Variants in LRP1B observed in about 807,000 individuals in gnomAD.
LRP1B encodes the protein LDL receptor related protein 1B.
Under a neutral mutation model 556.6 loss-of-function variants are expected in LRP1B, and 217 were observed. The ratio of observed to expected loss-of-function variants is 0.39; its 90% CI spans 0.35 to 0.44. The LOEUF (loss-of-function observed/expected upper bound fraction) is 0.44. LRP1B is among the 20% of genes least tolerant of loss of function. The pLI is 1.00. For synonymous variants in LRP1B, 2,047 were observed against 1,865.8 expected, an observed-to-expected ratio of 1.10 and a Z score of -2.50; for missense variants, 5,053 against 5,620.8, an observed-to-expected ratio of 0.90 and a Z score of 3.23.
intron 66 of LRP1B, among the ~76,000 whole-genome samples, chr2:140,432,338 T>C (rs1394870099): frequency 1.3e-5 from 2 of 152,170 alleles, no homozygotes; most frequent in African/African-American, 4.8e-5. Flanking sequence ...TGCACCCAGG[T>C]GAAACAAACA....
At chr2:140,891,781 A>G (rs992249320) in intron 23 of LRP1B, among the ~76,000 whole-genome samples, 6 of 152,212 alleles carry the variant, frequency 3.9e-5, no homozygotes, top group African/African-American at 1.4e-4. Flanking sequence ...GTATTGTTCA[A>G]ACTTGTACAT....
intron 2 of LRP1B, among the ~76,000 whole-genome samples, chr2:141,482,656 G>A (rs4369801): frequency 0.028 from 4,199 of 151,954 alleles, 99 homozygotes; most frequent in Non-Finnish European, 0.037. Flanking sequence ...ATTTAAAAAT[G>A]AAGTTTAAAG....
chr2:140,921,967 A>C (rs1694748509), intron 21 of LRP1B, among the ~76,000 whole-genome samples: 1 of 152,046 alleles, frequency 6.6e-6, no homozygotes, highest in African/African-American at 2.4e-5. Context: ...GGAGCAAAAG[A>C]AATCACTAAG....
At chr2:141,059,866 G>A (rs1211428022) in intron 8 of LRP1B, among the ~76,000 whole-genome samples, 1 of 151,720 alleles carries the variant, frequency 6.6e-6, no homozygotes, top group Non-Finnish European at 1.5e-5. Flanking sequence ...GCACATGCTA[G>A]GCACCTTGCC....
intron 31 of LRP1B, among the ~76,000 whole-genome samples, chr2:140,838,668 T>G (rs1691999154): frequency 6.6e-6 from 1 of 152,140 alleles, no homozygotes; most frequent in Non-Finnish European, 1.5e-5. Context: ...ATGTATAGTA[T>G]TCAATTGAAA....
At chr2:142,101,400 T>C (rs1706563512) in intron 1 of LRP1B, among the ~76,000 whole-genome samples, 1 of 152,056 alleles carries the variant, frequency 6.6e-6, no homozygotes. Context: ...ATAAGACATG[T>C]TAGTATGTCT....
At chr2:141,008,973 G>A (rs773857307) in intron 14 of LRP1B, among the ~76,000 whole-genome samples, 1 of 151,872 alleles carries the variant, frequency 6.6e-6, no homozygotes, top group African/African-American at 2.4e-5. Flanking sequence ...TGTTAATAAA[G>A]TATCTTTTTT....
At chr2:142,124,103 A>C (rs1052840925) in intron 1 of LRP1B, among the ~76,000 whole-genome samples, 1 of 151,842 alleles carries the variant, frequency 6.6e-6, no homozygotes, top group Non-Finnish European at 1.5e-5. Context: ...AAACATGTGT[A>C]ACAAGGGTTT....
At chr2:141,941,547 A>C (rs1700803223) in intron 1 of LRP1B, among the ~76,000 whole-genome samples, 2 of 152,174 alleles carry the variant, frequency 1.3e-5, no homozygotes, top group Admixed American at 1.3e-4. Context: ...TTCTCTGAGA[A>C]AAAGTAGAGG....
chr2:141,229,300 C>T lies in LRP1B; in HGVS notation c.733G>A (p.Asp245Asn), dbSNP rs372151786. The part of the protein sequence containing the change: ...IHTLDFIYNE[D>N]MICWIESRES... ...CTTGATTCAATCCAACAAATCATAT[C>T]TTCATTATAAATAAAATCCAGAGTA... is the stretch of plus-strand genomic sequence containing the variant. The change falls in exon 6 of 91, where the codon GAT becomes AAT. Residue 245 changes from aspartate (D) to asparagine (N), a missense_variant. Physicochemically the swap from Asp to Asn is conservative, Grantham distance 23 (BLOSUM62 1). This residue lies in a region of LRP1B where 3,619 missense variants were observed against 3,931.9 expected (regional missense o/e 0.92). Coordinates refer to ENST00000389484, the MANE Select transcript of LRP1B (RefSeq NM_018557.3). The T allele has an allele frequency of 6.2e-7, 1 of 1,612,624 alleles. No individual in the cohort carries two copies. Among genetic ancestry groups the T allele is most frequent in the Non-Finnish European group, 8.5e-7 (1 of 1,178,972 alleles).
At chr2:140,963,449 A>T (rs1275469580) in intron 18 of LRP1B, among the ~76,000 whole-genome samples, 1 of 106,986 alleles carries the variant, frequency 9.3e-6, no homozygotes, top group East Asian at 3.3e-4. Flanking sequence ...ATATTTATAT[A>T]TATATATATA....
chr2:140,407,877 A>T (rs1445448921), intron 66 of LRP1B, among the ~76,000 whole-genome samples: 2 of 152,020 alleles, frequency 1.3e-5, no homozygotes, highest in African/African-American at 4.8e-5. Flanking sequence ...ACACATGCAC[A>T]TGCATGTTTA....
intron 17 of LRP1B, 34 bp from the exon 18 acceptor site, chr2:140,982,310 T>G: frequency 7.3e-7 from 1 of 1,379,258 alleles, no homozygotes; most frequent in Non-Finnish European, 1.0e-6. Flanking sequence ...AAAAATCAAT[T>G]TAGAGGCATT....
intron 10 of LRP1B, among the ~76,000 whole-genome samples, chr2:141,054,748 C>G (rs1037771741): frequency 6.6e-6 from 1 of 151,894 alleles, no homozygotes; most frequent in Non-Finnish European, 1.5e-5. Context: ...TCGAAACAAG[C>G]AACATGCCTA....
chr2:140,852,305 T>G (rs1032415535), intron 27 of LRP1B, among the ~76,000 whole-genome samples: 2 of 152,122 alleles, frequency 1.3e-5, no homozygotes, highest in African/African-American at 4.8e-5. Context: ...CCAACCTGGG[T>G]GACAGAGTGA....
chr2:140,665,872 A>C (rs562572969), intron 41 of LRP1B, among the ~76,000 whole-genome samples: 1 of 152,166 alleles, frequency 6.6e-6, no homozygotes, highest in East Asian at 1.9e-4. Context: ...TATCATCCTT[A>C]CTGCTAATCT....
intron 9 of LRP1B, among the ~76,000 whole-genome samples, chr2:141,056,465 G>C (rs1699181036): frequency 6.6e-6 from 1 of 151,800 alleles, no homozygotes; most frequent in African/African-American, 2.4e-5. Flanking sequence ...AGCTACCAAT[G>C]ATCATTTTCT....
intron 2 of LRP1B, among the ~76,000 whole-genome samples, chr2:141,732,427 T>C (rs1043297333): frequency 1.3e-5 from 2 of 152,156 alleles, no homozygotes; most frequent in Non-Finnish European, 2.9e-5. Flanking sequence ...CATTACATGA[T>C]GCTAAAATTA....
chr2:141,560,191 T>G (rs1335002150), intron 2 of LRP1B, among the ~76,000 whole-genome samples: 3 of 151,720 alleles, frequency 2.0e-5, no homozygotes. Flanking sequence ...ACCTAACTAT[T>G]CCATCCACTT....
Sources: gnomAD v4.1 joint callset for allele counts (sites outside exome capture counted in the v4.1 genomes callset) on GRCh38, gnomAD v4.1.1 for gene constraint, gnomAD v4.1.1 regional missense constraint, MANE v1.5 for transcripts, NCBI Gene and HGNC (gene_info 2026-07-23, HGNC 2026-07-21) for gene names.